The following ZC3H12C variants were observed in gnomAD, a reference collection of about 807,000 sequenced individuals.
ZC3H12C encodes the protein probable ribonuclease ZC3H12C.
In ZC3H12C, 20 loss-of-function variants were observed where a neutral mutation model predicts 76.3. The observed-to-expected ratio is 0.26, with a 90% CI of 0.18 to 0.38. The LOEUF (loss-of-function observed/expected upper bound fraction) is 0.38. ZC3H12C is among the 10% of genes least tolerant of loss of function. ZC3H12C has a pLI of 1.00. For synonymous variants in ZC3H12C, 352 were observed against 399.6 expected (o/e 0.88, Z 1.42); for missense variants, 874 against 1,086.5 (o/e 0.80, Z 2.75).
rs1452369581 is a variant in ZC3H12C at position 110,150,829 on chromosome 11, C to T, written c.774-2090C>T. Among the ~76,000 whole-genome samples, 33 of 152,030 alleles carry T rather than the reference C, an allele frequency of 2.2e-4. 1 individual carries two copies. Among genetic ancestry groups the T allele is most frequent in the Admixed American group, 2.2e-3 (33 of 15,246 alleles). On this transcript the variant is annotated intron_variant, in intron 2 of 5. Transcript: ENST00000278590. ...TAATTTGGAGATGAGTTTAGAATGA[C>T]TATAGCTTCCTATTAACTGTTACAT...
chr11:110,143,570 CTA>C (rs1448890190), intron 2 of ZC3H12C, among the ~76,000 whole-genome samples: 1 of 151,808 alleles, frequency 6.6e-6, no homozygotes, highest in Non-Finnish European at 1.5e-5. Flanking sequence ...TACTCTTTCT[CTA>C]ATATAATTAA....
At chr11:110,095,787 A>C (rs10891054) in intron 1 of ZC3H12C, among the ~76,000 whole-genome samples, 107,234 of 152,038 alleles carry the variant, frequency 0.71, 38,117 homozygotes, top group East Asian at 0.89. Context: ...TGAACCCTGG[A>C]AGGAAAGCAG....
At chr11:110,157,611 T>C (rs1451927489) in intron 3 of ZC3H12C, among the ~76,000 whole-genome samples, 1 of 152,000 alleles carries the variant, frequency 6.6e-6, no homozygotes, top group Non-Finnish European at 1.5e-5. Context: ...AATTATTGTA[T>C]TTTTTGTAAA....
intron 1 of ZC3H12C, among the ~76,000 whole-genome samples, chr11:110,117,554 T>G (rs1261712740): frequency 6.6e-6 from 1 of 150,754 alleles, no homozygotes; most frequent in Admixed American, 6.7e-5. Context: ...TATTAGCTCA[T>G]TAAATTTCAA....
chr11:110,154,214 A>G (rs2134192478), intron 3 of ZC3H12C, among the ~76,000 whole-genome samples: 1 of 152,242 alleles, frequency 6.6e-6, no homozygotes, highest in East Asian at 1.9e-4. Flanking sequence ...TCTACCAAAA[A>G]TACAAAAAAT....
chr11:110,146,057 G>T (rs1393286995), intron 2 of ZC3H12C, among the ~76,000 whole-genome samples: 1 of 152,182 alleles, frequency 6.6e-6, no homozygotes, highest in Non-Finnish European at 1.5e-5. Context: ...CGCGATCTCG[G>T]CTCACTGCAA....
chr11:110,140,547 G>C (rs371454592), intron 2 of ZC3H12C, among the ~76,000 whole-genome samples: 1 of 152,156 alleles, frequency 6.6e-6, no homozygotes, highest in African/African-American at 2.4e-5. Flanking sequence ...ACATTCTTCT[G>C]TTGAGTGTTA....
chr11:110,153,393 G>GT (rs1397122472), intron 3 of ZC3H12C, among the ~76,000 whole-genome samples: 4 of 152,094 alleles, frequency 2.6e-5, no homozygotes, highest in African/African-American at 9.7e-5. Flanking sequence ...TCACCCTGTT[G>GT]GCCAGGCTGG....
At chr11:110,132,079 T>C (rs1311468766) in intron 1 of ZC3H12C, among the ~76,000 whole-genome samples, 1 of 152,200 alleles carries the variant, frequency 6.6e-6, no homozygotes, top group Non-Finnish European at 1.5e-5. Flanking sequence ...CATTATTTTA[T>C]TTTTATTGTT....
chr11:110,121,512 A>G (rs1427499253), intron 1 of ZC3H12C, among the ~76,000 whole-genome samples: 1 of 152,174 alleles, frequency 6.6e-6, no homozygotes, highest in African/African-American at 2.4e-5. Flanking sequence ...ATCTTACATC[A>G]CCTTTTGATA....
At chr11:110,151,781 T>C (rs530299333) in intron 2 of ZC3H12C, among the ~76,000 whole-genome samples, 3 of 152,274 alleles carry the variant, frequency 2.0e-5, no homozygotes, top group African/African-American at 7.2e-5. Context: ...CCCTGGACCA[T>C]TAGGACAGGA....
chr11:110,108,103 A>G (rs890169928), intron 1 of ZC3H12C, among the ~76,000 whole-genome samples: 16 of 152,054 alleles, frequency 1.1e-4, no homozygotes, highest in African/African-American at 3.6e-4. Flanking sequence ...GCGTGCCAAC[A>G]CACCTGGCTT....
At chr11:110,124,983 G>C (rs2134165695) in intron 1 of ZC3H12C, among the ~76,000 whole-genome samples, 1 of 152,132 alleles carries the variant, frequency 6.6e-6, no homozygotes, top group Non-Finnish European at 1.5e-5. Flanking sequence ...AAATTGGGAA[G>C]AGAAAAATAA....
At chr11:110,123,017 T>C (rs563699275) in intron 1 of ZC3H12C, among the ~76,000 whole-genome samples, 6 of 152,350 alleles carry the variant, frequency 3.9e-5, no homozygotes, top group African/African-American at 1.4e-4. Flanking sequence ...CTTATACTGC[T>C]CAGAACGGCA....
chr11:110,099,686 C>T (rs1861176815), intron 1 of ZC3H12C, among the ~76,000 whole-genome samples: 1 of 151,844 alleles, frequency 6.6e-6, no homozygotes, highest in Non-Finnish European at 1.5e-5. Flanking sequence ...GTGGCATGTG[C>T]CTGTAAAACC....
At chr11:110,130,955 C>A in intron 1 of ZC3H12C, 1 of 1,397,654 alleles carries the variant, frequency 7.2e-7, no homozygotes, top group Non-Finnish European at 9.7e-7. Context: ...TTATTCCACT[C>A]GGTAATAGGT....
At chr11:110,129,817 T>C (rs976155876) in intron 1 of ZC3H12C, among the ~76,000 whole-genome samples, 6 of 72,542 alleles carry the variant, frequency 8.3e-5, no homozygotes, top group African/African-American at 3.6e-4. Context: ...TACATTTTGA[T>C]TGATTTTTTT....
In ZC3H12C at chr11:110,159,311, C is replaced by A; in HGVS notation, c.969C>A (p.Ser323=). Reference sequence around the variant, plus strand: ...AGAAAATCCTGGTGTTCACGCCATCCCGGCGAGTCCAGGGGAGGAGAGTGG... The same window carrying A: ...AGAAAATCCTGGTGTTCACGCCATCACGGCGAGTCCAGGGGAGGAGAGTGG... ...EKEKILVFTP[S]RRVQGRRVVC... The change falls in exon 4 of 6, where the codon TCC becomes TCA. Residue 323 remains serine, a synonymous_variant. Coordinates refer to ENST00000278590, the MANE Select transcript of ZC3H12C (RefSeq NM_033390.2). The A allele has an allele frequency of 6.2e-7, 1 of 1,613,770 alleles. No individual in the cohort carries two copies. The highest frequency in any genetic ancestry group is 8.5e-7 in the Non-Finnish European group (1 of 1,179,920).
rs71476066 is a variant in ZC3H12C at position 110,101,547 on chromosome 11, ATTTT to A, written c.21+8130_21+8133del. Reference sequence around the variant, plus strand: ...CGTAAGGCCCTTGGGAATCAATGCTATTTTTTTTTTTTTTTTTTGAGACACAGTC... The same window carrying A: ...CGTAAGGCCCTTGGGAATCAATGCTATTTTTTTTTTTTTTGAGACACAGTC... On this transcript the variant is annotated intron_variant, in intron 1 of 5. Coordinates refer to ENST00000278590, the MANE Select transcript of ZC3H12C (RefSeq NM_033390.2). 1.7e-3 allele frequency among the ~76,000 whole-genome samples: 232 copies of A among 135,432 alleles called. 1 individual carries two copies. The highest frequency in any genetic ancestry group is 6.2e-3 in the African/African-American group (223 of 36,128). The allele number at this position is 135,432 out of a possible 152,430, so 88.8% of individuals were successfully genotyped here.
Sources: allele counts gnomAD v4.1 joint callset (sites outside exome capture counted in the v4.1 genomes callset), GRCh38; gene constraint gnomAD v4.1.1; transcripts MANE v1.5; gene names NCBI Gene and HGNC (gene_info 2026-07-23, HGNC 2026-07-21).